The following FBXL3 variants were observed in gnomAD, a reference collection of about 807,000 sequenced individuals.
FBXL3 encodes the protein F-box/LRR-repeat protein 3.
FBXL3 carries 14 observed loss-of-function variants against 37.9 expected under a neutral mutation model. That is an observed-to-expected ratio of 0.37 (90% CI 0.24 to 0.58). FBXL3 has a LOEUF of 0.58. Among genes scored for constraint, FBXL3 ranks in the 20% least tolerant of loss-of-function variants. The pLI, the probability that FBXL3 is intolerant of heterozygous loss-of-function variation, is 0.74. For missense variants in FBXL3, 327 were observed against 511.1 expected (o/e 0.64, Z 3.47); for synonymous variants, 194 against 180.1 (o/e 1.08, Z -0.62).
chr13:77,006,891 T>C lies in FBXL3; in HGVS notation c.*254A>G. ...TAGACTGTAAACTGTTTAATACGTA[T>C]AACTGGTTATTTCACATCCGAACCA... On this transcript the variant is annotated 3_prime_UTR_variant, in exon 5 of 5. Transcript: ENST00000355619. 2 of 1,304,794 alleles carry C rather than the reference T, an allele frequency of 1.5e-6. No individual in the cohort carries two copies. Among genetic ancestry groups the C allele is most frequent in the Non-Finnish European group, 1.9e-6 (2 of 1,026,010 alleles). 80.8% of individuals were successfully genotyped at this position (1,304,794 alleles called of 1,614,324 possible).
intron 1 of FBXL3, among the ~76,000 whole-genome samples, chr13:77,025,514 G>C (rs2034820752): frequency 1.3e-5 from 2 of 152,074 alleles, no homozygotes; most frequent in African/African-American, 4.8e-5. Flanking sequence ...CTTGAGCTCA[G>C]TAGTTTGAGA....
At chr13:77,013,795 T>C (rs766995027) in intron 4 of FBXL3, 1 of 152,172 alleles carries the variant, frequency 6.6e-6, no homozygotes, top group Non-Finnish European at 1.5e-5. Flanking sequence ...TCTTGATAAA[T>C]CGGTTCTGTC....
chr13:77,026,363 G>A, intron 1 of FBXL3: 1 of 985,300 alleles, frequency 1.0e-6, no homozygotes, highest in African/African-American at 1.7e-5. Flanking sequence ...GGCTTCCCCT[G>A]ACATTTCTCA....
intron 1 of FBXL3, 84 bp from the exon 2 acceptor site, chr13:77,021,945 T>C: frequency 9.0e-7 from 1 of 1,112,546 alleles, no homozygotes; most frequent in Non-Finnish European, 1.3e-6. Flanking sequence ...GTCACTGAGA[T>C]GTGTGTTTAT....
chr13:77,008,420 G>A (rs568214446), intron 4 of FBXL3, among the ~76,000 whole-genome samples: 80 of 152,130 alleles, frequency 5.3e-4, no homozygotes, highest in African/African-American at 1.5e-3. Context: ...TATGACTTTC[G>A]AAGCTCTAAC....
chr13:77,011,270 G>GCGGAGGTTGCAGTGAGC lies in FBXL3; in HGVS notation c.644-3499_644-3483dup, dbSNP rs553248743. Among the ~76,000 whole-genome samples the GCGGAGGTTGCAGTGAGC allele has an allele frequency of 1.8e-3, 275 of 150,526 alleles. 2 individuals carry two copies. Among genetic ancestry groups the GCGGAGGTTGCAGTGAGC allele is most frequent in the African/African-American group, 6.7e-3 (270 of 40,474 alleles). On this transcript the variant is annotated intron_variant, in intron 4 of 4. Coordinates refer to ENST00000355619, the MANE Select transcript of FBXL3 (RefSeq NM_012158.4). ...CAGGAGAATCACCTGAACCCGGGAG[G>GCGGAGGTTGCAGTGAGC]CGGAGGTTGCAGTGAGCCGAGATCA... is the stretch of plus-strand genomic sequence containing the variant.
At chr13:77,020,963 T>G (rs982923885) in intron 2 of FBXL3, among the ~76,000 whole-genome samples, 6 of 152,366 alleles carry the variant, frequency 3.9e-5, no homozygotes, top group Non-Finnish European at 5.9e-5. Flanking sequence ...CATCACTGCA[T>G]GATTTCCAAT....
chr13:77,006,906 C>T lies in FBXL3; in HGVS notation c.*239G>A. On this transcript the variant is annotated 3_prime_UTR_variant, in exon 5 of 5. Coordinates refer to ENST00000355619, the MANE Select transcript of FBXL3 (RefSeq NM_012158.4). ...TTAATACGTATAACTGGTTATTTCA[C>T]ATCCGAACCACATTAAAAAAAATTC... The T allele has an allele frequency of 7.5e-7, 1 of 1,335,590 alleles. No homozygotes were observed. 82.7% of individuals were successfully genotyped at this position (1,335,590 alleles called of 1,614,324 possible).
chr13:77,006,799 G>A lies in FBXL3; in HGVS notation c.*346C>T, dbSNP rs1312290910. 1.6e-5 allele frequency: 16 copies of A among 1,027,722 alleles called. No homozygotes were observed. The highest frequency in any genetic ancestry group is 1.8e-5 in the Non-Finnish European group (15 of 852,150). The allele number at this position is 1,027,722 out of a possible 1,614,324, so 63.7% of individuals were successfully genotyped here. A position where few individuals can be genotyped will look rare whatever the true frequency, so the allele number is the denominator to read the frequency against. On this transcript the variant is annotated 3_prime_UTR_variant, in exon 5 of 5. Transcript: ENST00000355619. ...TTACATTTTTTTTTAAATGCATAGA[G>A]AATATAACATTTCAGAAAACCTATT...
chr13:77,009,729 T>C (rs2034515324), intron 4 of FBXL3: 1 of 152,122 alleles, frequency 6.6e-6, no homozygotes, highest in African/African-American at 2.4e-5. Flanking sequence ...GAAATACCAT[T>C]TGACCCAGCA....
intron 1 of FBXL3, among the ~76,000 whole-genome samples, chr13:77,024,401 T>C (rs1242078310): frequency 2.0e-5 from 3 of 152,196 alleles, no homozygotes; most frequent in African/African-American, 4.8e-5. Context: ...ATGACAGTCT[T>C]TGCAATTTCT....
chr13:77,010,930 T>C (rs376219616), intron 4 of FBXL3: 1 of 152,210 alleles, frequency 6.6e-6, no homozygotes, highest in African/African-American at 2.4e-5. Context: ...CTGTCAGTTA[T>C]GTACCAGTAA....
intron 1 of FBXL3, among the ~76,000 whole-genome samples, chr13:77,022,175 TGTG>T (rs1189715124): frequency 8.5e-5 from 13 of 152,362 alleles, no homozygotes; most frequent in African/African-American, 3.1e-4. Context: ...TTTCAAAAGT[TGTG>T]GTCAACTTAA....
chr13:77,014,172 G>C (rs948724074), intron 4 of FBXL3: 13 of 152,194 alleles, frequency 8.5e-5, no homozygotes, highest in Non-Finnish European at 1.6e-4. Flanking sequence ...TAAAACATTT[G>C]AGCAAGTATT....
Position 77,023,673 on chromosome 13 carries a change from A to C in FBXL3, c.-1-1812T>G, listed in dbSNP as rs2034788556. On this transcript the variant is annotated intron_variant, in intron 1 of 4. Coordinates refer to ENST00000355619, the MANE Select transcript of FBXL3 (RefSeq NM_012158.4). ...TTCTAGAGAACAGTTCTGGCAGGGTAGTGGTTTCGACCTAAACTTGGGGTC... is the reference window on the plus strand; with the variant it reads ...TTCTAGAGAACAGTTCTGGCAGGGTCGTGGTTTCGACCTAAACTTGGGGTC... Among the ~76,000 whole-genome samples the C allele has an allele frequency of 2.0e-5, 3 of 152,202 alleles. No homozygotes were observed. The South Asian group carries it at 6.2e-4, about 31-fold the overall frequency.
chr13:77,018,150 A>G (rs2034677138), intron 3 of FBXL3: 1 of 152,156 alleles, frequency 6.6e-6, no homozygotes, highest in African/African-American at 2.4e-5. Flanking sequence ...ATTAATCTAA[A>G]CTGTGCTGAG....
intron 1 of FBXL3, chr13:77,026,193 C>T (rs899981365): frequency 2.0e-6 from 2 of 985,232 alleles, no homozygotes; most frequent in Non-Finnish European, 2.4e-6. Context: ...AGATACAGAC[C>T]ATTTACTGGG....
At chr13:77,024,717 G>A (rs549810273) in intron 1 of FBXL3, among the ~76,000 whole-genome samples, 12 of 152,146 alleles carry the variant, frequency 7.9e-5, no homozygotes, top group African/African-American at 2.9e-4. Context: ...CTAAGGGACA[G>A]TATCTCTTGA....
intron 4 of FBXL3, among the ~76,000 whole-genome samples, chr13:77,012,491 C>T (rs1034863853): frequency 2.0e-5 from 3 of 152,048 alleles, no homozygotes; most frequent in South Asian, 2.1e-4. Context: ...GCAATGTTGG[C>T]TTTATAGGGA....
Sources: gnomAD v4.1 joint callset for allele counts (sites outside exome capture counted in the v4.1 genomes callset) on GRCh38, gnomAD v4.1.1 for gene constraint, MANE v1.5 for transcripts, NCBI Gene and HGNC (gene_info 2026-07-23, HGNC 2026-07-21) for gene names.